PTPN2: variants seen among roughly 807,000 people sequenced by gnomAD.
PTPN2 encodes protein tyrosine phosphatase non-receptor type 2.
A neutral mutation model predicts 57.3 loss-of-function variants in PTPN2; 19 were observed. That is an observed-to-expected ratio of 0.33 (90% CI 0.23 to 0.49). The LOEUF (loss-of-function observed/expected upper bound fraction) is 0.49, where lower values mean the gene tolerates loss of function less well. Ranked by LOEUF, PTPN2 falls within the 20% of genes least tolerant of loss-of-function variation. The pLI is 0.99. For missense variants in PTPN2, 358 were observed against 501.1 expected (o/e 0.71, Z 2.73); for synonymous variants, 153 against 164.9 (o/e 0.93, Z 0.55).
intron 4 of PTPN2, among the ~76,000 whole-genome samples, chr18:12,826,568 T>C (rs953150998): frequency 6.6e-6 from 1 of 152,200 alleles, no homozygotes; most frequent in Non-Finnish European, 1.5e-5. Context: ...TCTGTCTCCA[T>C]AGGCTTTTCT....
At chr18:12,848,590 T>C (rs1298278322) in intron 2 of PTPN2, among the ~76,000 whole-genome samples, 1 of 152,240 alleles carries the variant, frequency 6.6e-6, no homozygotes, top group Non-Finnish European at 1.5e-5. Flanking sequence ...CTCATAGAGA[T>C]GCCTTGTGTA....
intron 2 of PTPN2, among the ~76,000 whole-genome samples, chr18:12,837,776 T>A (rs1222113155): frequency 3.3e-5 from 5 of 152,188 alleles, no homozygotes; most frequent in African/African-American, 9.6e-5. Flanking sequence ...CTCCTTACTT[T>A]TAAATGAAAA....
intron 1 of PTPN2, among the ~76,000 whole-genome samples, chr18:12,865,659 G>C (rs1427326546): frequency 6.6e-6 from 1 of 151,738 alleles, no homozygotes; most frequent in Non-Finnish European, 1.5e-5. Flanking sequence ...AATAAAAAGA[G>C]TGAGCTGGGC....
At chr18:12,874,455 G>A (rs1304095869) in intron 1 of PTPN2, among the ~76,000 whole-genome samples, 1 of 144,284 alleles carries the variant, frequency 6.9e-6, no homozygotes, top group Non-Finnish European at 1.5e-5. Context: ...GGGAGGTGAG[G>A]GGCGCCTCTG....
chr18:12,791,689 A>G (rs1052085549), downstream of PTPN2, among the ~76,000 whole-genome samples: 1 of 152,218 alleles, frequency 6.6e-6, no homozygotes, highest in Non-Finnish European at 1.5e-5. Context: ...CTGCTCAGAG[A>G]AGGAAAGATG....
chr18:12,826,763 T>G (rs2145356402), intron 4 of PTPN2, among the ~76,000 whole-genome samples: 1 of 152,004 alleles, frequency 6.6e-6, no homozygotes, highest in South Asian at 2.1e-4. Flanking sequence ...GAGACAGGGT[T>G]TTGCCATGTT....
At chr18:12,796,994 T>G (rs575967683) in intron 8 of PTPN2, among the ~76,000 whole-genome samples, 99 of 152,342 alleles carry the variant, frequency 6.5e-4, no homozygotes, top group African/African-American at 2.3e-3. Flanking sequence ...CACTTTTTGT[T>G]ATCATATATA....
rs778747549 is a variant in PTPN2 at position 12,801,858 on chromosome 18, T to C, written c.1040+112A>G. ...TGTTGAGATTACAGGCGTGATTGTA[T>C]TTTCCTAATATAAAAATTACATACC... On this transcript the variant is annotated intron_variant, in intron 8 of 8. Transcript: ENST00000309660. 1.5e-5 allele frequency: 16 copies of C among 1,051,146 alleles called. No individual in the cohort carries two copies. In the Admixed American group the frequency reaches 3.1e-4, roughly 20 times the overall value. 65.1% of individuals were successfully genotyped at this position (1,051,146 alleles called of 1,614,324 possible). A position where few individuals can be genotyped will look rare whatever the true frequency, so the allele number is the denominator to read the frequency against.
intron 2 of PTPN2, among the ~76,000 whole-genome samples, chr18:12,842,198 G>A (rs1054344638): frequency 2.0e-5 from 3 of 152,044 alleles, no homozygotes; most frequent in Non-Finnish European, 4.4e-5. Flanking sequence ...GAGCCACGGC[G>A]CTCAGCAGTA....
Position 12,875,130 on chromosome 18 carries a change from A to G in PTPN2, c.69+8943T>C, listed in dbSNP as rs576118721. Reference sequence around the variant, plus strand: ...GGCAGCATGCTCGTTAACAGTCATCACCACTCCCTAATCTCAAGTACCCAG... The same window carrying G: ...GGCAGCATGCTCGTTAACAGTCATCGCCACTCCCTAATCTCAAGTACCCAG... On this transcript the variant is annotated intron_variant, in intron 1 of 8. Coordinates refer to ENST00000309660, the MANE Select transcript of PTPN2 (RefSeq NM_002828.4). Among the ~76,000 whole-genome samples the G allele has an allele frequency of 8.5e-3, 1,294 of 152,110 alleles. 19 individuals are homozygous for G. Among genetic ancestry groups the G allele is most frequent in the African/African-American group, 0.027 (1,128 of 41,412 alleles).
At chr18:12,873,760 T>C (rs1256517737) in intron 1 of PTPN2, among the ~76,000 whole-genome samples, 1 of 151,238 alleles carries the variant, frequency 6.6e-6, no homozygotes, top group Non-Finnish European at 1.5e-5. Flanking sequence ...TCGTCTGGGA[T>C]GTTAGGAGCC....
At chr18:12,807,830 A>G (rs1350213350) in intron 7 of PTPN2, among the ~76,000 whole-genome samples, 2 of 151,840 alleles carry the variant, frequency 1.3e-5, no homozygotes, top group Admixed American at 1.3e-4. Flanking sequence ...ACTGAACAAC[A>G]GTTCAACAGG....
intron 1 of PTPN2, among the ~76,000 whole-genome samples, chr18:12,880,235 T>C (rs1009867349): frequency 6.6e-6 from 1 of 151,996 alleles, no homozygotes; most frequent in African/African-American, 2.4e-5. Flanking sequence ...AAGGGGAGAA[T>C]GGACACACAC....
intron 2 of PTPN2, among the ~76,000 whole-genome samples, chr18:12,845,383 C>T (rs77751011): frequency 0.024 from 3,720 of 152,188 alleles, 158 homozygotes; most frequent in African/African-American, 0.084. Flanking sequence ...TTGGTGCTTT[C>T]AACATACAGA....
chr18:12,825,912 G>A lies in PTPN2; in HGVS notation c.393C>T (p.Asp131=), dbSNP rs780306183. 9 of 1,610,990 alleles carry A rather than the reference G, an allele frequency of 5.6e-6. No homozygotes were observed. The East Asian group carries it at 1.8e-4, about 32-fold the overall frequency. ...VKCAQYWPTD[D]QEMLFKETGF... ...CTGTTTCTTTAAACAGCATCTCTTG[G>A]TCATCTGTTGGCCAGTACTGTGCAC... is the stretch of plus-strand genomic sequence containing the variant. The change falls in exon 5 of 9, where the codon GAC becomes GAT. Residue 131 remains aspartate (D), a synonymous_variant. Transcript: ENST00000309660.
rs80338144 is a variant in PTPN2 at position 12,819,857 on chromosome 18, T to A, written c.496-2492A>T. Reference sequence around the variant, plus strand: ...AGTTAACTCAAAGTCAAGTTTTCCTTTAAATGAGGTTAAGATTCCAGTGGA... The same window carrying A: ...AGTTAACTCAAAGTCAAGTTTTCCTATAAATGAGGTTAAGATTCCAGTGGA... On this transcript the variant is annotated intron_variant, in intron 5 of 8. Transcript: ENST00000309660. Among the ~76,000 whole-genome samples, 547 of 152,164 alleles carry A rather than the reference T, an allele frequency of 3.6e-3. 5 individuals carry two copies. Among genetic ancestry groups the A allele is most frequent in the African/African-American group, 0.013 (526 of 41,512 alleles).
intron 5 of PTPN2, among the ~76,000 whole-genome samples, chr18:12,818,288 A>C (rs1207993769): frequency 6.6e-6 from 1 of 152,198 alleles, no homozygotes; most frequent in Non-Finnish European, 1.5e-5. Context: ...TAGGGGAGCA[A>C]CTCAAGAATT....
intron 8 of PTPN2, among the ~76,000 whole-genome samples, 169 bp from the exon 9 acceptor site, chr18:12,794,654 C>T (rs1322323321): frequency 6.6e-6 from 1 of 152,178 alleles, no homozygotes; most frequent in African/African-American, 2.4e-5. Flanking sequence ...CAGCGTCTTG[C>T]TCTGTCACCC....
exon 10 of PTPN2, chr18:12,785,727 G>A (rs554997274): frequency 8.7e-5 from 96 of 1,104,578 alleles, no homozygotes; most frequent in Middle Eastern, 5.8e-4. Context: ...GAGGGTTAGC[G>A]AGCCTCACTT....
Sources: allele counts gnomAD v4.1 joint callset (sites outside exome capture counted in the v4.1 genomes callset), GRCh38; gene constraint gnomAD v4.1.1; transcripts MANE v1.5; gene names NCBI Gene and HGNC (gene_info 2026-07-23, HGNC 2026-07-21).